Variants in TENM2 observed in about 807,000 individuals in gnomAD.
The protein encoded by TENM2 is teneurin-2.
In TENM2, 52 loss-of-function variants were observed where a neutral mutation model predicts 245.2. The observed-to-expected ratio is 0.21, with a 90% CI of 0.17 to 0.27. TENM2 has a LOEUF of 0.27. Ranked by LOEUF, TENM2 falls within the 10% of genes least tolerant of loss-of-function variation. TENM2 has a pLI of 1.00. For synonymous variants in TENM2, 1,363 were observed against 1,438.9 expected (o/e 0.95, Z 1.19); for missense variants, 3,046 against 3,666.8 (o/e 0.83, Z 4.37).
chr5:168,081,538 C>T lies in TENM2; in HGVS notation c.1516-9036C>T, dbSNP rs188183847. ...TTCTTCCTAGCATCGATGGTGTTTA[C>T]AATTTGGCATGTTTTTGCAGTGGCT... On this transcript the variant is annotated intron_variant, in intron 7 of 28. Coordinates refer to ENST00000518659, the Ensembl canonical transcript of TENM2. Among the ~76,000 whole-genome samples the T allele has an allele frequency of 2.6e-4, 40 of 152,276 alleles. No homozygotes were observed. The East Asian group carries it at 7.5e-3, about 29-fold the overall frequency.
chr5:167,383,345 C>A (rs1761204844), intron 2 of TENM2, among the ~76,000 whole-genome samples: 1 of 152,188 alleles, frequency 6.6e-6, no homozygotes, highest in African/African-American at 2.4e-5. Context: ...CATCTTACAT[C>A]AAGGAGCATG....
intron 12 of TENM2, among the ~76,000 whole-genome samples, chr5:168,143,800 C>T (rs1048376911): frequency 8.1e-5 from 12 of 148,390 alleles, no homozygotes; most frequent in Non-Finnish European, 1.6e-4. Flanking sequence ...ATAAACTGTA[C>T]GTGTCTGAGC....
At chr5:167,823,644 C>A (rs193123926) in intron 2 of TENM2, among the ~76,000 whole-genome samples, 1 of 152,238 alleles carries the variant, frequency 6.6e-6, no homozygotes, top group East Asian at 1.9e-4. Context: ...TGGCTGAGAC[C>A]AGATGCTTCA....
At chr5:167,191,977 A>G in the TENM2 span, among the ~76,000 whole-genome samples, 33 of 152,212 alleles carry the variant, frequency 2.2e-4, no homozygotes, top group African/African-American at 6.0e-4. Context: ...ACTTCCGTAC[A>G]TGACTTCACA....
chr5:167,278,125 A>C, the TENM2 span, among the ~76,000 whole-genome samples: 1 of 151,894 alleles, frequency 6.6e-6, no homozygotes, highest in Non-Finnish European at 1.5e-5. Flanking sequence ...GCAACATGGC[A>C]AAATTCCATC....
the TENM2 span, among the ~76,000 whole-genome samples, chr5:167,160,814 G>C: frequency 5.3e-5 from 8 of 152,166 alleles, no homozygotes; most frequent in African/African-American, 1.4e-4. Context: ...TGTCCCTCAT[G>C]CCCAGCTAAC....
At chr5:167,102,378 T>A in the TENM2 span, among the ~76,000 whole-genome samples, 1 of 152,224 alleles carries the variant, frequency 6.6e-6, no homozygotes, top group African/African-American at 2.4e-5. Context: ...TATTGCTTGC[T>A]GTGTGGCAGG....
At chr5:167,366,690 A>G (rs957167236) in intron 1 of TENM2, among the ~76,000 whole-genome samples, 2 of 152,150 alleles carry the variant, frequency 1.3e-5, no homozygotes, top group African/African-American at 4.8e-5. Flanking sequence ...AACTATATAA[A>G]AGCATTTAGG....
chr5:167,123,450 C>T, the TENM2 span, among the ~76,000 whole-genome samples: 1 of 152,188 alleles, frequency 6.6e-6, no homozygotes, highest in African/African-American at 2.4e-5. Context: ...AACAGTCAGA[C>T]TCTGGTGATT....
chr5:167,863,869 C>T (rs1415772172), intron 2 of TENM2, among the ~76,000 whole-genome samples: 1 of 152,078 alleles, frequency 6.6e-6, no homozygotes, highest in Non-Finnish European at 1.5e-5. Flanking sequence ...CAATGATGTT[C>T]GAACAATTGT....
At chr5:168,229,758 T>G (rs901479736) in intron 25 of TENM2, 5 of 152,216 alleles carry the variant, frequency 3.3e-5, no homozygotes, top group African/African-American at 4.8e-5. Flanking sequence ...TCCGCCTTTG[T>G]CTGGCTGAAG....
chr5:167,944,152 C>A (rs531420902), intron 3 of TENM2, among the ~76,000 whole-genome samples: 1 of 152,160 alleles, frequency 6.6e-6, no homozygotes, highest in African/African-American at 2.4e-5. Context: ...TGTGTGAGAA[C>A]GTGCCCTATT....
chr5:167,970,231 T>G (rs1781675263), intron 4 of TENM2, among the ~76,000 whole-genome samples: 1 of 152,236 alleles, frequency 6.6e-6, no homozygotes, highest in African/African-American at 2.4e-5. Flanking sequence ...CCCTTCTGAC[T>G]CATCACCCTC....
At chr5:168,190,489 C>T in exon 14 of TENM2, 1 of 1,614,056 alleles carries the variant, frequency 6.2e-7, no homozygotes, top group Middle Eastern at 1.6e-4. Context: ...CCGTATCAAG[C>T]TCTTGGCAGG....
chr5:168,106,788 C>T (rs972965812), intron 9 of TENM2, among the ~76,000 whole-genome samples: 1 of 152,204 alleles, frequency 6.6e-6, no homozygotes, highest in Non-Finnish European at 1.5e-5. Context: ...TGGCCAGGTG[C>T]AGTGGCTCAC....
chr5:167,192,674 G>T, the TENM2 span, among the ~76,000 whole-genome samples: 3 of 152,078 alleles, frequency 2.0e-5, no homozygotes, highest in African/African-American at 7.2e-5. Context: ...CTAACACTGA[G>T]AGAGGATCAT....
At chr5:168,225,595 T>C (rs993483404) in intron 23 of TENM2, among the ~76,000 whole-genome samples, 2 of 151,958 alleles carry the variant, frequency 1.3e-5, no homozygotes, top group African/African-American at 4.8e-5. Context: ...ACCCCATCTC[T>C]ACAAAAAATG....
intron 2 of TENM2, among the ~76,000 whole-genome samples, chr5:167,389,447 AT>A (rs139996020): frequency 0.01 from 1,589 of 151,660 alleles, 15 homozygotes; most frequent in Non-Finnish European, 0.017. Context: ...ATATAGCATT[AT>A]TTTTTTTGGA....
chr5:167,846,892 C>A (rs539015714), intron 2 of TENM2, among the ~76,000 whole-genome samples: 2 of 152,164 alleles, frequency 1.3e-5, no homozygotes, highest in African/African-American at 4.8e-5. Flanking sequence ...ATCCTGAGGA[C>A]AGGAAGGGCA....
Sources: allele counts gnomAD v4.1 joint callset (sites outside exome capture counted in the v4.1 genomes callset), GRCh38; gene constraint gnomAD v4.1.1; transcripts MANE v1.5; gene names NCBI Gene and HGNC (gene_info 2026-07-23, HGNC 2026-07-21).